Variants in SORCS1 observed in about 807,000 individuals in gnomAD.
SORCS1 encodes VPS10 domain-containing receptor SorCS1.
A neutral mutation model predicts 146.1 loss-of-function variants in SORCS1; 60 were observed. That is an observed-to-expected ratio of 0.41 (90% CI 0.33 to 0.51). SORCS1 has a LOEUF of 0.51. Ranked by LOEUF, SORCS1 falls within the 20% of genes least tolerant of loss-of-function variation. The pLI is 0.21. For missense variants in SORCS1, 1,352 were observed against 1,487.6 expected (o/e 0.91, Z 1.50); for synonymous variants, 637 against 584.0 (o/e 1.09, Z -1.31).
At chr10:106,716,127 A>G (rs1045989503) in intron 6 of SORCS1, among the ~76,000 whole-genome samples, 196 of 152,260 alleles carry the variant, frequency 1.3e-3, no homozygotes, top group African/African-American at 4.0e-3. Flanking sequence ...CCATGAAAAA[A>G]TATTCTCCTT....
At chr10:107,040,923 C>A (rs890028666) in intron 1 of SORCS1, among the ~76,000 whole-genome samples, 6 of 152,096 alleles carry the variant, frequency 3.9e-5, no homozygotes, top group Admixed American at 2.0e-4. Flanking sequence ...TCATACACAG[C>A]CCAAAGAGCA....
chr10:106,654,809 G>A lies in SORCS1; in HGVS notation c.2304-2256C>T, dbSNP rs141704784. 9.2e-4 allele frequency among the ~76,000 whole-genome samples: 140 copies of A among 152,246 alleles called. 1 individual carries two copies. The East Asian group carries it at 0.02, about 21-fold the overall frequency. Reference sequence around the variant, plus strand: ...AGACATAAGATAACTGCCCATGCTGGTTGGTCATTGTTATGCCTAAGCAAT... The same window carrying A: ...AGACATAAGATAACTGCCCATGCTGATTGGTCATTGTTATGCCTAAGCAAT... On this transcript the variant is annotated intron_variant, in intron 17 of 25. Coordinates refer to ENST00000263054, the MANE Select transcript of SORCS1 (RefSeq NM_052918.5).
At chr10:106,769,390 C>G (rs897566441) in intron 4 of SORCS1, among the ~76,000 whole-genome samples, 1 of 150,022 alleles carries the variant, frequency 6.7e-6, no homozygotes, top group African/African-American at 2.5e-5. Flanking sequence ...GAGGCTGAGG[C>G]AGGAGAATCG....
intron 6 of SORCS1, among the ~76,000 whole-genome samples, chr10:106,718,611 A>G (rs1855552911): frequency 6.6e-6 from 1 of 152,280 alleles, no homozygotes; most frequent in African/African-American, 2.4e-5. Flanking sequence ...AAGCTGCCAC[A>G]GCATGGAAGG....
chr10:106,706,325 A>AAG (rs1392533851), intron 8 of SORCS1, among the ~76,000 whole-genome samples: 4 of 150,738 alleles, frequency 2.7e-5, no homozygotes, highest in Admixed American at 2.0e-4. Context: ...GAAAGAAAGG[A>AAG]AGAGAGAGAG....
At chr10:106,714,135 C>CAAAAAAAAAAAAAAAAAAAAAAAAAAAA in intron 6 of SORCS1, among the ~76,000 whole-genome samples, 1 of 53,086 alleles carries the variant, frequency 1.9e-5, no homozygotes. Flanking sequence ...AACTCTGCCT[C>CAAAAAAAAAAAAAAAAAAAAAAAAAAAA]AAAAAAAAAA....
At chr10:106,982,338 C>T (rs1756193385) in intron 1 of SORCS1, among the ~76,000 whole-genome samples, 1 of 152,082 alleles carries the variant, frequency 6.6e-6, no homozygotes, top group South Asian at 2.1e-4. Context: ...ACAGAAATTG[C>T]TAACAAAATT....
At chr10:106,985,824 C>T (rs570959821) in intron 1 of SORCS1, among the ~76,000 whole-genome samples, 2 of 152,118 alleles carry the variant, frequency 1.3e-5, no homozygotes, top group Admixed American at 6.6e-5. Context: ...TATCAGCCAC[C>T]GAGCCTGGAC....
At chr10:106,831,048 C>T (rs559542020) in intron 2 of SORCS1, among the ~76,000 whole-genome samples, 99 of 152,072 alleles carry the variant, frequency 6.5e-4, no homozygotes, top group Non-Finnish European at 1.2e-3. Flanking sequence ...CAAAAATTAG[C>T]CAAGCATGGT....
intron 8 of SORCS1, among the ~76,000 whole-genome samples, chr10:106,700,471 A>G (rs962204516): frequency 1.3e-5 from 2 of 150,154 alleles, no homozygotes; most frequent in African/African-American, 4.9e-5. Context: ...AAGATTGCAT[A>G]TAACCACAAA....
At chr10:106,834,680 CA>C (rs1312087494) in intron 2 of SORCS1, among the ~76,000 whole-genome samples, 1 of 151,468 alleles carries the variant, frequency 6.6e-6, no homozygotes, top group Non-Finnish European at 1.5e-5. Context: ...AATAGAAAAA[CA>C]AAAAACAAAA....
At chr10:106,633,339 A>G (rs1422218558) in intron 18 of SORCS1, among the ~76,000 whole-genome samples, 1 of 152,090 alleles carries the variant, frequency 6.6e-6, no homozygotes, top group Non-Finnish European at 1.5e-5. Context: ...CCTTTCCTCT[A>G]GCTATTTTGA....
chr10:107,057,036 T>C (rs1192354937), intron 1 of SORCS1, among the ~76,000 whole-genome samples: 1 of 152,208 alleles, frequency 6.6e-6, no homozygotes, highest in Non-Finnish European at 1.5e-5. Context: ...AAATCCTCAA[T>C]TGCTTGACCA....
chr10:106,702,169 G>A (rs1280471454), intron 8 of SORCS1, among the ~76,000 whole-genome samples: 1 of 152,210 alleles, frequency 6.6e-6, no homozygotes, highest in African/African-American at 2.4e-5. Flanking sequence ...CTCCAGAGCT[G>A]TTCCTGCCTT....
intron 1 of SORCS1, among the ~76,000 whole-genome samples, chr10:106,972,757 G>A (rs1457265729): frequency 6.6e-6 from 1 of 152,194 alleles, no homozygotes; most frequent in Non-Finnish European, 1.5e-5. Flanking sequence ...AAGAGAAGGG[G>A]ACAATCTCTA....
At chr10:106,786,075 G>C (rs1356229195) in intron 3 of SORCS1, among the ~76,000 whole-genome samples, 5 of 152,244 alleles carry the variant, frequency 3.3e-5, no homozygotes, top group East Asian at 3.9e-4. Context: ...TTTCATGACT[G>C]CATATTCTAG....
chr10:107,111,920 T>C (rs1318347371), intron 1 of SORCS1, among the ~76,000 whole-genome samples: 2 of 152,160 alleles, frequency 1.3e-5, no homozygotes, highest in African/African-American at 4.8e-5. Context: ...AGTAAGGTAA[T>C]ATATTCAAAA....
At chr10:106,898,710 T>A (rs1447229250) in intron 2 of SORCS1, among the ~76,000 whole-genome samples, 2 of 152,176 alleles carry the variant, frequency 1.3e-5, no homozygotes, top group Middle Eastern at 3.2e-3. Context: ...CCTGATTATA[T>A]CATTCTCCTT....
At chr10:107,028,415 T>TC (rs1201404631) in intron 1 of SORCS1, among the ~76,000 whole-genome samples, 1 of 152,208 alleles carries the variant, frequency 6.6e-6, no homozygotes, top group Admixed American at 6.5e-5. Flanking sequence ...AGACTTGGTT[T>TC]CCCAAGAGCC....
Sources: allele counts gnomAD v4.1 joint callset (sites outside exome capture counted in the v4.1 genomes callset), GRCh38; gene constraint gnomAD v4.1.1; transcripts MANE v1.5; gene names NCBI Gene and HGNC (gene_info 2026-07-23, HGNC 2026-07-21).